TF: variants seen among roughly 807,000 people sequenced by gnomAD.
TF encodes the protein serotransferrin.
A neutral mutation model predicts 82.4 loss-of-function variants in TF; 55 were observed. That is an observed-to-expected ratio of 0.67 (90% CI 0.54 to 0.84). TF has a LOEUF of 0.84. TF is among the 40% of genes least tolerant of loss of function. TF has a pLI of 0.00. For missense variants in TF, 737 were observed against 868.4 expected, an observed-to-expected ratio of 0.85 and a Z score of 1.90; for synonymous variants, 332 against 332.6, an observed-to-expected ratio of 1.00 and a Z score of 0.02.
chr3:133,744,523 A>G (rs1933453472), upstream of TF, among the ~76,000 whole-genome samples: 1 of 152,134 alleles, frequency 6.6e-6, no homozygotes, highest in African/African-American at 2.4e-5. Flanking sequence ...ATGAATCCAG[A>G]CCACTGCCTA....
the TF span, among the ~76,000 whole-genome samples, chr3:133,698,820 G>A: frequency 6.6e-6 from 1 of 152,198 alleles, no homozygotes; most frequent in Non-Finnish European, 1.5e-5. Flanking sequence ...CTAGACAATG[G>A]AATCAAAGAG....
chr3:133,741,663 T>C (rs552922108), upstream of TF, among the ~76,000 whole-genome samples: 1 of 152,370 alleles, frequency 6.6e-6, no homozygotes, highest in South Asian at 2.1e-4. Flanking sequence ...GATGTTCCCA[T>C]ACTGAGTGAT....
the TF span, among the ~76,000 whole-genome samples, chr3:133,737,438 TAGA>T: frequency 6.6e-6 from 1 of 151,660 alleles, no homozygotes; most frequent in Non-Finnish European, 1.5e-5. Context: ...ATTCAAAAGC[TAGA>T]AGAAGACAAG....
chr3:133,688,503 C>A, the TF span: 2 of 152,162 alleles, frequency 1.3e-5, no homozygotes, highest in South Asian at 4.1e-4. Context: ...AGCCAAAGAT[C>A]TGAAAATGCA....
At chr3:133,672,205 AACTC>A in the TF span, among the ~76,000 whole-genome samples, 1 of 152,188 alleles carries the variant, frequency 6.6e-6, no homozygotes, top group East Asian at 1.9e-4. Context: ...CTATTTAAGA[AACTC>A]AATCTGTTAT....
the TF span, among the ~76,000 whole-genome samples, chr3:133,685,142 A>G: frequency 1.3e-5 from 2 of 152,254 alleles, no homozygotes; most frequent in African/African-American, 4.8e-5. Context: ...GGCCTTTGAC[A>G]AAATTCAACA....
chr3:133,684,503 A>G, the TF span, among the ~76,000 whole-genome samples: 6 of 152,210 alleles, frequency 3.9e-5, no homozygotes, highest in Non-Finnish European at 7.3e-5. Context: ...TAGATGTAAT[A>G]AAAAATGATA....
At chr3:133,712,309 G>T in the TF span, among the ~76,000 whole-genome samples, 1 of 152,084 alleles carries the variant, frequency 6.6e-6, no homozygotes, top group Non-Finnish European at 1.5e-5. Flanking sequence ...GTGAAAAAGG[G>T]CAATGGCAGC....
In TF at chr3:133,754,361, TCCC is replaced by T. The variant is rs559260439; in HGVS notation, c.326-132_326-130del. On this transcript the variant is annotated intron_variant, in intron 3 of 16. Coordinates refer to ENST00000402696, the MANE Select transcript of TF (RefSeq NM_001063.4). ...GCAACCCTAGGAAGGTTTTCCTGATTCCCCACTCCTTATCGCCCAGTCCAGTAA... is the reference window on the plus strand; with the variant it reads ...GCAACCCTAGGAAGGTTTTCCTGATTCACTCCTTATCGCCCAGTCCAGTAA... 6.9e-4 allele frequency: 600 copies of T among 871,820 alleles called. 3 individuals are homozygous for T. Among genetic ancestry groups the T allele is most frequent in the African/African-American group, 5.2e-3 (316 of 60,498 alleles). 54.0% of individuals were successfully genotyped at this position (871,820 alleles called of 1,614,324 possible).
At chr3:133,717,372 T>C in the TF span, among the ~76,000 whole-genome samples, 10 of 152,190 alleles carry the variant, frequency 6.6e-5, no homozygotes, top group Admixed American at 6.5e-4. Flanking sequence ...GAATTCCAAA[T>C]AGACAACACA....
the TF span, among the ~76,000 whole-genome samples, chr3:133,728,664 C>T: frequency 2.0e-5 from 3 of 152,186 alleles, no homozygotes; most frequent in Non-Finnish European, 2.9e-5. Context: ...TGTCAAAGTC[C>T]TTTTCCATCC....
At chr3:133,736,193 C>T in the TF span, among the ~76,000 whole-genome samples, 4 of 152,130 alleles carry the variant, frequency 2.6e-5, no homozygotes, top group Non-Finnish European at 5.9e-5. Context: ...AATTTCATAT[C>T]CAGCCAAACT....
chr3:133,759,186 C>A lies in TF; in HGVS notation c.1060C>A (p.Pro354Thr), dbSNP rs1933916947. 1 of 1,614,098 alleles carries A rather than the reference C, an allele frequency of 6.2e-7. No homozygotes were observed. Among genetic ancestry groups the A allele is most frequent in the Non-Finnish European group, 8.5e-7 (1 of 1,180,024 alleles). Residue 354 changes from proline (P) to threonine (T), a missense_variant, in exon 9 of 17, where the codon CCA (proline) becomes ACA (threonine). Coordinates refer to ENST00000402696, the MANE Select transcript of TF (RefSeq NM_001063.4). ...NLREGTCPEA[P>T]TDECKPVKWC... is the part of the protein sequence containing the mutation. ...TTTTTATGCCATAGGCCCAGAAGCC[C>A]CAACAGATGAATGCAAGCCTGTGAA...
chr3:133,670,520 G>A, the TF span, among the ~76,000 whole-genome samples: 2 of 152,150 alleles, frequency 1.3e-5, no homozygotes, highest in Admixed American at 6.6e-5. Context: ...TCTAATCTAG[G>A]GTCGGGGGCA....
rs752530884 is a variant in TF, at chr3:133,757,948, T to C, written c.1048+2T>C. ...TCCGGAATCTACGGGAAGGCACATG[T>C]GAGTACCTGGGAAGAACCAGGTGAC... is the stretch of plus-strand genomic sequence containing the variant. On this transcript the variant is annotated splice_donor_variant, in intron 8 of 16. Coordinates refer to ENST00000402696, the MANE Select transcript of TF (RefSeq NM_001063.4). LOFTEE classifies it high-confidence loss of function. The C allele has an allele frequency of 2.5e-6, 4 of 1,613,910 alleles. No homozygotes were observed. Among genetic ancestry groups the C allele is most frequent in the Non-Finnish European group, 1.7e-6 (2 of 1,179,986 alleles).
chr3:133,693,609 C>T, the TF span, among the ~76,000 whole-genome samples: 1 of 152,156 alleles, frequency 6.6e-6, no homozygotes, highest in South Asian at 2.1e-4. Flanking sequence ...GCCTCAGTGT[C>T]AGGTGCTACT....
chr3:133,773,454 G>C (rs943571321), intron 14 of TF: 2 of 151,848 alleles, frequency 1.3e-5, no homozygotes, highest in Non-Finnish European at 2.9e-5. Flanking sequence ...GACCCACCGC[G>C]CTCAGCCCAC....
chr3:133,718,684 T>C, the TF span, among the ~76,000 whole-genome samples: 1 of 152,140 alleles, frequency 6.6e-6, no homozygotes, highest in Non-Finnish European at 1.5e-5. Flanking sequence ...GCCCCAGAAT[T>C]TGCATTTCCA....
intron 14 of TF, among the ~76,000 whole-genome samples, chr3:133,772,462 G>C (rs1185431758): frequency 6.6e-6 from 1 of 152,098 alleles, no homozygotes; most frequent in Non-Finnish European, 1.5e-5. Context: ...ATTTCCCAAG[G>C]TGTCACTTTT....
Sources: gnomAD v4.1 joint callset for allele counts (sites outside exome capture counted in the v4.1 genomes callset) on GRCh38, gnomAD v4.1.1 for gene constraint, MANE v1.5 for transcripts, NCBI Gene and HGNC (gene_info 2026-07-23, HGNC 2026-07-21) for gene names.